COL4A5: variants seen among roughly 807,000 people sequenced by gnomAD.
The protein encoded by COL4A5 is collagen alpha-5(IV) chain.
COL4A5 carries 26 observed loss-of-function variants against 130.2 expected under a neutral mutation model. That is an observed-to-expected ratio of 0.20 (90% confidence interval 0.15 to 0.28). COL4A5 has a LOEUF of 0.28. Among genes scored for constraint, COL4A5 ranks in the 10% least tolerant of loss-of-function variants. The probability of loss-of-function intolerance (pLI) is 1.00; values close to 1 mark genes in which losing one functional copy is unlikely to be tolerated. For missense variants in COL4A5, 1,131 were observed against 1,344.3 expected (o/e 0.84, Z 2.48); for synonymous variants, 496 against 439.6 (o/e 1.13, Z -1.60).
At chrX:108,483,917 T>G (rs1298843625) in intron 1 of COL4A5, among the ~76,000 whole-genome samples, 26 of 112,521 alleles carry the variant, frequency 2.3e-4, no homozygotes, top group Non-Finnish European at 3.7e-5. Flanking sequence ...TGTCTTCTTT[T>G]GGGAAATGTC....
intron 37 of COL4A5, among the ~76,000 whole-genome samples, chrX:108,664,082 G>C (rs1025597823): frequency 9.0e-6 from 1 of 111,476 alleles, no homozygotes; most frequent in Admixed American, 9.6e-5. Context: ...CTACTCGGGA[G>C]GCTGAGGCAA....
At chrX:108,647,056 T>C (rs1459793110) in intron 36 of COL4A5, among the ~76,000 whole-genome samples, 4 of 111,086 alleles carry the variant, frequency 3.6e-5, no homozygotes, top group African/African-American at 6.6e-5. Flanking sequence ...ACTGACTTGG[T>C]GATGCAGGCT....
chrX:108,580,682 G>A lies in COL4A5; in HGVS notation c.835G>A (p.Gly279Ser). The change falls in exon 15 of 53, where the codon GGT (glycine) becomes AGT (serine). Residue 279 changes from glycine to serine, a missense_variant and splice_region_variant. Gly to Ser is a moderately conservative substitution (Grantham distance 56, BLOSUM62 0). Transcript: ENST00000328300. ...PGPPGIRGPP[G>S]PPGGEKGEKG... ...TGTGAAACTATTTTTATGTGTACAG[G>A]GTCCCCCAGGTGGTGAGAAAGGTGA... is the stretch of plus-strand genomic sequence containing the variant. The A allele has an allele frequency of 8.3e-7, 1 of 1,209,957 alleles. No homozygotes were observed. Among genetic ancestry groups the A allele is most frequent in the East Asian group, 3.0e-5 (1 of 33,800 alleles).
At chrX:108,497,750 T>C (rs2065046959) in intron 1 of COL4A5, among the ~76,000 whole-genome samples, 1 of 111,943 alleles carries the variant, frequency 8.9e-6, no homozygotes, top group Non-Finnish European at 1.9e-5. Context: ...GTGATCTCTA[T>C]TATCTCTGAT....
intron 1 of COL4A5, among the ~76,000 whole-genome samples, chrX:108,514,575 G>A (rs930996551): frequency 1.1e-4 from 12 of 111,966 alleles, no homozygotes; most frequent in African/African-American, 3.9e-4. Flanking sequence ...TTAGAACAGA[G>A]TGGAAAGATG....
At chrX:108,580,632 T>C in intron 14 of COL4A5, 46 bp downstream of exon 14, 1 of 1,191,828 alleles carries the variant, frequency 8.4e-7, no homozygotes, top group Non-Finnish European at 1.1e-6. Flanking sequence ...AAATTGGTAT[T>C]GGTACACAGT....
intron 1 of COL4A5, among the ~76,000 whole-genome samples, chrX:108,454,915 C>A (rs1366882871): frequency 9.0e-6 from 1 of 111,616 alleles, no homozygotes; most frequent in Non-Finnish European, 1.9e-5. Flanking sequence ...GCCTGGCCTA[C>A]TTCTATGATT....
chrX:108,513,970 A>G (rs1289851680), intron 1 of COL4A5, among the ~76,000 whole-genome samples: 1 of 111,844 alleles, frequency 8.9e-6, no homozygotes, highest in African/African-American at 3.2e-5. Flanking sequence ...ATTTTTTTCC[A>G]ATAGGGATAT....
intron 1 of COL4A5, among the ~76,000 whole-genome samples, chrX:108,466,747 G>A (rs2064710171): frequency 9.2e-6 from 1 of 108,424 alleles, no homozygotes; most frequent in Admixed American, 9.8e-5. Flanking sequence ...CTGCAGGCAG[G>A]TGGCACCACA....
At chrX:108,460,656 ATTTTT>A (rs751991149) in intron 1 of COL4A5, among the ~76,000 whole-genome samples, 6 of 39,452 alleles carry the variant, frequency 1.5e-4, no homozygotes, top group African/African-American at 3.2e-4. Flanking sequence ...CGCCTGGCAA[ATTTTT>A]TTTTTTTTTT....
At chrX:108,550,679 G>GT (rs1264452056) in intron 2 of COL4A5, among the ~76,000 whole-genome samples, 1 of 110,976 alleles carries the variant, frequency 9.0e-6, no homozygotes, top group Non-Finnish European at 1.9e-5. Flanking sequence ...AGTACAGTAA[G>GT]ACAAGAAAAA....
At chrX:108,653,500 CATTTT>C (rs1222268717) in intron 36 of COL4A5, among the ~76,000 whole-genome samples, 1 of 111,048 alleles carries the variant, frequency 9.0e-6, no homozygotes, top group African/African-American at 3.3e-5. Flanking sequence ...GACAACATGA[CATTTT>C]ATCATGCTAC....
chrX:108,578,154 C>T (rs1182723713), intron 12 of COL4A5, 35 bp downstream of exon 12: 43 of 1,192,161 alleles, frequency 3.6e-5, no homozygotes, highest in Non-Finnish European at 4.9e-5. Flanking sequence ...ATTCAGCCCT[C>T]AGCTTTCTCT....
At chrX:108,609,357 A>T (rs2147838526) in intron 29 of COL4A5, among the ~76,000 whole-genome samples, 1 of 111,871 alleles carries the variant, frequency 8.9e-6, no homozygotes, top group Non-Finnish European at 1.9e-5. Flanking sequence ...CTGATGACTA[A>T]TGATGTTGAG....
At chrX:108,680,308 TC>T (rs1006248505) in intron 44 of COL4A5, among the ~76,000 whole-genome samples, 6 of 111,733 alleles carry the variant, frequency 5.4e-5, no homozygotes, top group African/African-American at 1.9e-4. Flanking sequence ...ATGTGACATT[TC>T]CCTTACCCAA....
intron 1 of COL4A5, among the ~76,000 whole-genome samples, chrX:108,445,016 C>T (rs1480799043): frequency 9.0e-6 from 1 of 110,996 alleles, no homozygotes; most frequent in Admixed American, 9.6e-5. Flanking sequence ...TAGCACCTAT[C>T]TCACATATTT....
chrX:108,550,013 A>G (rs927595643), intron 2 of COL4A5, among the ~76,000 whole-genome samples: 91 of 111,800 alleles, frequency 8.1e-4, no homozygotes, highest in African/African-American at 2.9e-3. Flanking sequence ...TTAGCCCTAT[A>G]TATACTAAGG....
At chrX:108,597,316 A>G in intron 23 of COL4A5, 61 bp from the exon 24 acceptor site, 1 of 1,108,678 alleles carries the variant, frequency 9.0e-7, no homozygotes, top group South Asian at 1.9e-5. Context: ...AAAGAAACTG[A>G]TTTTCTTTTT....
chrX:108,464,933 C>A (rs2064689932), intron 1 of COL4A5, among the ~76,000 whole-genome samples: 1 of 111,906 alleles, frequency 8.9e-6, no homozygotes, highest in Non-Finnish European at 1.9e-5. Flanking sequence ...AGTTTACATA[C>A]AATAAAATGT....
Sources: gnomAD v4.1 joint callset for allele counts (sites outside exome capture counted in the v4.1 genomes callset) on GRCh38, gnomAD v4.1.1 for gene constraint, MANE v1.5 for transcripts, NCBI Gene and HGNC (gene_info 2026-07-23, HGNC 2026-07-21) for gene names.